Variants in ADAMTS2 observed in about 807,000 individuals in gnomAD.
ADAMTS2 encodes the protein ADAM metallopeptidase with thrombospondin type 1 motif 2, also known as A disintegrin and metalloproteinase with thrombospondin motifs 2.
ADAMTS2 carries 50 observed loss-of-function variants against 123.0 expected under a neutral mutation model. The ratio of observed to expected loss-of-function variants is 0.41; its 90% confidence interval spans 0.32 to 0.51. The LOEUF (loss-of-function observed/expected upper bound fraction) is 0.51, where lower values mean the gene tolerates loss of function less well. Among genes scored for constraint, ADAMTS2 ranks in the 20% least tolerant of loss-of-function variants. The pLI is 0.35. For synonymous variants in ADAMTS2, 678 were observed against 695.4 expected (o/e 0.98, Z 0.39); for missense variants, 1,494 against 1,705.2 (o/e 0.88, Z 2.18).
Position 179,316,043 on chromosome 5 carries a change from C to T in ADAMTS2, c.534+27724G>A, listed in dbSNP as rs191313656. On this transcript the variant is annotated intron_variant, in intron 2 of 21. Transcript: ENST00000251582. Reference sequence around the variant, plus strand: ...AGAAAAAGCTCCATAGCTAGACCCACGATAATGAAACCTAAGAACATCAAA... The same window carrying T: ...AGAAAAAGCTCCATAGCTAGACCCATGATAATGAAACCTAAGAACATCAAA... Among the ~76,000 whole-genome samples the T allele has an allele frequency of 2.0e-3, 306 of 152,296 alleles. 1 individual carries two copies. Among genetic ancestry groups the T allele is most frequent in the African/African-American group, 6.4e-3 (264 of 41,558 alleles).
At chr5:179,267,925 G>T (rs574144223) in intron 3 of ADAMTS2, among the ~76,000 whole-genome samples, 20 of 152,168 alleles carry the variant, frequency 1.3e-4, no homozygotes, top group African/African-American at 4.3e-4. Context: ...TGGTCCTTTC[G>T]CATGGTGATA....
At chr5:179,326,432 G>A (rs575401088) in intron 2 of ADAMTS2, among the ~76,000 whole-genome samples, 7 of 152,146 alleles carry the variant, frequency 4.6e-5, no homozygotes, top group South Asian at 2.1e-4. Context: ...ATCCCAGGCC[G>A]GTGATGCCTG....
In ADAMTS2 at chr5:179,115,290, C is replaced by G. The variant is rs1009262254; in HGVS notation, c.3179-966G>C. On this transcript the variant is annotated intron_variant, in intron 21 of 21. Transcript: ENST00000251582. The surrounding 1 kb of genome is among the most constrained non-coding windows in gnomAD (Gnocchi z 4.4). ...TCTTCTTGCGCTCACACTCTCTTTACTCTCTGTCTCCTTCCCAAGTTTTCA... is the reference window on the plus strand; with the variant it reads ...TCTTCTTGCGCTCACACTCTCTTTAGTCTCTGTCTCCTTCCCAAGTTTTCA... Among the ~76,000 whole-genome samples, 2 of 152,206 alleles carry G rather than the reference C, an allele frequency of 1.3e-5. No individual in the cohort carries two copies. The highest frequency in any genetic ancestry group is 2.9e-5 in the Non-Finnish European group (2 of 68,038).
At chr5:179,217,316 A>G (rs566325797) in intron 3 of ADAMTS2, among the ~76,000 whole-genome samples, 1 of 152,376 alleles carries the variant, frequency 6.6e-6, no homozygotes, top group South Asian at 2.1e-4. Context: ...ACACAGACGC[A>G]AGACAGCAAC....
In ADAMTS2 at chr5:179,345,022, C is replaced by T. The variant is rs1757899844; in HGVS notation, c.139+168G>A. On this transcript the variant is annotated intron_variant, in intron 1 of 21. Transcript: ENST00000251582. The surrounding 1 kb of genome is among the most constrained non-coding windows in gnomAD (Gnocchi z 7.5). Reference sequence around the variant, plus strand: ...GGCGCTCGGGGGCGGTGCGGGGCGCCCCCTGCGCGACCAACCCGGCCCCGA... The same window carrying T: ...GGCGCTCGGGGGCGGTGCGGGGCGCTCCCTGCGCGACCAACCCGGCCCCGA... Among the ~76,000 whole-genome samples the T allele has an allele frequency of 6.6e-6, 1 of 151,966 alleles. No individual in the cohort carries two copies. Among genetic ancestry groups the T allele is most frequent in the Non-Finnish European group, 1.5e-5 (1 of 67,948 alleles).
In ADAMTS2 at chr5:179,130,243, G is replaced by T; in HGVS notation, c.2291-145C>A. The T allele has an allele frequency of 6.0e-6, 6 of 995,974 alleles. No individual in the cohort carries two copies. Among genetic ancestry groups the T allele is most frequent in the Non-Finnish European group, 9.2e-6 (6 of 650,532 alleles). The allele number at this position is 995,974 out of a possible 1,614,324, so 61.7% of individuals were successfully genotyped here. ...CCCCGGCCAGTTTCCTCTGTGCCAC[G>T]ACAGCCCAGATGGCTCTGGGAGCCC... On this transcript the variant is annotated intron_variant, in intron 15 of 21. Transcript: ENST00000251582. The surrounding 1 kb of genome is among the most constrained non-coding windows in gnomAD (Gnocchi z 4.3).
At chr5:179,299,914 G>A (rs1185617639) in intron 2 of ADAMTS2, among the ~76,000 whole-genome samples, 1 of 151,838 alleles carries the variant, frequency 6.6e-6, no homozygotes, top group Admixed American at 6.6e-5. Flanking sequence ...CTAACACAGT[G>A]AAACCCCGTC....
At chr5:179,212,861 T>C (rs898979047) in intron 3 of ADAMTS2, among the ~76,000 whole-genome samples, 5 of 152,056 alleles carry the variant, frequency 3.3e-5, no homozygotes, top group Non-Finnish European at 7.4e-5. Context: ...GGGTGTTCGC[T>C]GTCCCCTGTG....
intron 21 of ADAMTS2, among the ~76,000 whole-genome samples, chr5:179,119,297 C>T (rs1435102453): frequency 6.6e-6 from 1 of 152,198 alleles, no homozygotes. Context: ...CATGGTTGCT[C>T]CCTCCCCAGG....
chr5:179,296,956 A>C (rs1273180964), intron 2 of ADAMTS2, among the ~76,000 whole-genome samples: 1 of 152,130 alleles, frequency 6.6e-6, no homozygotes, highest in Non-Finnish European at 1.5e-5. Flanking sequence ...GACAGAGAAA[A>C]CTGCAAACCC....
intron 10 of ADAMTS2, among the ~76,000 whole-genome samples, chr5:179,149,232 T>G (rs1162140092): frequency 6.6e-6 from 1 of 151,974 alleles, no homozygotes; most frequent in East Asian, 1.9e-4. Context: ...GATGTCCTCA[T>G]GAGAAGAGAC....
chr5:179,160,409 C>T (rs909082664), intron 5 of ADAMTS2, among the ~76,000 whole-genome samples: 5 of 152,206 alleles, frequency 3.3e-5, no homozygotes, highest in Non-Finnish European at 5.9e-5. Context: ...TGAGATCACG[C>T]CACTGCACTC....
chr5:179,162,468 T>C lies in ADAMTS2; in HGVS notation c.976-3589A>G, dbSNP rs140403531. 3.6e-3 allele frequency among the ~76,000 whole-genome samples: 541 copies of C among 152,246 alleles called. 2 individuals are homozygous for C. Among genetic ancestry groups the C allele is most frequent in the Middle Eastern group, 0.014 (4 of 294 alleles). On this transcript the variant is annotated intron_variant, in intron 5 of 21. Transcript: ENST00000251582. This position sits in a 1 kb window ranked among gnomAD's most constrained non-coding sequence, Gnocchi z 5.1. ...AGCTAAGACTGGGGCTGCAGTCTCA[T>C]CTGAAGGCTGTACCGGAGGCGGGTC...
rs1280048999 is a variant in ADAMTS2, at chr5:179,181,240, CCTT to C, written c.892-88_892-86del. 3.6e-5 allele frequency: 34 copies of C among 954,934 alleles called. No individual in the cohort carries two copies. In the Admixed American group the frequency reaches 4.7e-4, roughly 13 times the overall value. The allele number at this position is 954,934 out of a possible 1,614,324, so 59.2% of individuals were successfully genotyped here. On this transcript the variant is annotated intron_variant, in intron 4 of 21. Coordinates refer to ENST00000251582, the MANE Select transcript of ADAMTS2 (RefSeq NM_014244.5). This position sits in a 1 kb window ranked among gnomAD's most constrained non-coding sequence, Gnocchi z 4.1. ...GCCAATGGGATGACCCCCACCTGCTCCTTCTTCTTCCCATGCTTTCCACCCAGG... is the reference window on the plus strand; with the variant it reads ...GCCAATGGGATGACCCCCACCTGCTCCTTCTTCCCATGCTTTCCACCCAGG...
intron 11 of ADAMTS2, among the ~76,000 whole-genome samples, chr5:179,139,624 G>A (rs1763125964): frequency 6.6e-6 from 1 of 152,198 alleles, no homozygotes. Context: ...CCGTGGCCAG[G>A]AGAGACAGAG....
Position 179,207,530 on chromosome 5 carries a change from G to A in ADAMTS2, c.874C>T (p.Leu292=), listed in dbSNP as rs1764729900. The change falls in exon 4 of 22, where the codon CTG becomes TTG. Residue 292 remains leucine (L), a synonymous_variant. Coordinates refer to ENST00000251582, the MANE Select transcript of ADAMTS2 (RefSeq NM_014244.5). ...HGKEHVQKYL[L]TLMNIVNEIY... The stretch of plus-strand genomic sequence containing the variant: ...CCACTCACAATGTTCATGAGTGTCA[G>A]CAGGTACTTCTGTACGTGCTCCTTC... 6.7e-7 allele frequency: 1 copy of A among 1,489,208 alleles called. No homozygotes were observed. The highest frequency in any genetic ancestry group is 1.1e-5 in the South Asian group (1 of 89,458). The allele number at this position is 1,489,208 out of a possible 1,614,324, so 92.2% of individuals were successfully genotyped here.
Position 179,225,195 on chromosome 5 carries a change from G to A in ADAMTS2, c.689-17480C>T, listed in dbSNP as rs462644. ...TCTCATGGACTCTCAATTCAGCCCC[G>A]CACAGCCAAGGGCTCACCCACATCA... is the stretch of plus-strand genomic sequence containing the variant. On this transcript the variant is annotated intron_variant, in intron 3 of 21. Transcript: ENST00000251582. The surrounding 1 kb of genome is among the most constrained non-coding windows in gnomAD (Gnocchi z 4.5). Among the ~76,000 whole-genome samples, 101,139 of 152,114 alleles carry A rather than the reference G, an allele frequency of 0.66. 34,161 individuals are homozygous for A. Among genetic ancestry groups the A allele is most frequent in the East Asian group, 0.99 (5,142 of 5,182 alleles).
At chr5:179,212,097 G>A in intron 3 of ADAMTS2, among the ~76,000 whole-genome samples, 1 of 152,248 alleles carries the variant, frequency 6.6e-6, no homozygotes. Flanking sequence ...AATGAGAATT[G>A]TAGAAACAAG....
In ADAMTS2 at chr5:179,303,985, C is replaced by T. The variant is rs1189785410; in HGVS notation, c.535-30921G>A. ...GAAACTCCTGGGCTCGTGCTTGAGCCGTGCACGAGTGGGTCTGACCCTAAA... is the reference window on the plus strand; with the variant it reads ...GAAACTCCTGGGCTCGTGCTTGAGCTGTGCACGAGTGGGTCTGACCCTAAA... On this transcript the variant is annotated intron_variant, in intron 2 of 21. Coordinates refer to ENST00000251582, the MANE Select transcript of ADAMTS2 (RefSeq NM_014244.5). This position sits in a 1 kb window ranked among gnomAD's most constrained non-coding sequence, Gnocchi z 4.7. 1.3e-5 allele frequency among the ~76,000 whole-genome samples: 2 copies of T among 152,276 alleles called. No homozygotes were observed. Among genetic ancestry groups the T allele is most frequent in the South Asian group, 2.1e-4 (1 of 4,816 alleles).
Sources: gnomAD v4.1 joint callset for allele counts (sites outside exome capture counted in the v4.1 genomes callset) on GRCh38, gnomAD v4.1.1 for gene constraint, Gnocchi (gnomAD v3.1) non-coding constraint, MANE v1.5 for transcripts, NCBI Gene and HGNC (gene_info 2026-07-23, HGNC 2026-07-21) for gene names.